Variants in SYT1 observed in about 807,000 individuals in gnomAD.
The protein encoded by SYT1 is synaptotagmin-1.
In SYT1, 8 loss-of-function variants were observed where a neutral mutation model predicts 44.8. That is an observed-to-expected ratio of 0.18 (90% CI 0.10 to 0.32). The LOEUF (loss-of-function observed/expected upper bound fraction) is 0.32, where lower values mean the gene tolerates loss of function less well. Among genes scored for constraint, SYT1 ranks in the 10% least tolerant of loss-of-function variants. The pLI is 1.00. For synonymous variants in SYT1, 154 were observed against 188.8 expected (o/e 0.82, Z 1.51); for missense variants, 286 against 509.3 (o/e 0.56, Z 4.22).
At chr12:79,417,941 C>T (rs2136148415) in intron 9 of SYT1, among the ~76,000 whole-genome samples, 1 of 152,208 alleles carries the variant, frequency 6.6e-6, no homozygotes, top group Admixed American at 6.5e-5. Flanking sequence ...TAATCAGTTC[C>T]CAGGCAATGC....
intron 3 of SYT1, among the ~76,000 whole-genome samples, chr12:79,122,250 C>A (rs1868281471): frequency 6.6e-6 from 1 of 151,982 alleles, no homozygotes; most frequent in African/African-American, 2.4e-5. Flanking sequence ...CGCGGTGGCT[C>A]ACGCCTGTAA....
chr12:78,928,524 C>T (rs1375314687), intron 1 of SYT1, among the ~76,000 whole-genome samples: 1 of 152,086 alleles, frequency 6.6e-6, no homozygotes, highest in Non-Finnish European at 1.5e-5. Flanking sequence ...AAAGGAAGCA[C>T]TTCCCAGCTT....
At chr12:79,005,620 A>G (rs1349486131) in intron 2 of SYT1, among the ~76,000 whole-genome samples, 1 of 152,114 alleles carries the variant, frequency 6.6e-6, no homozygotes, top group Admixed American at 6.6e-5. Context: ...ATTATTAGTG[A>G]TAGATACTAG....
chr12:79,247,506 A>G (rs890035730), intron 4 of SYT1, among the ~76,000 whole-genome samples: 1 of 152,206 alleles, frequency 6.6e-6, no homozygotes, highest in African/African-American at 2.4e-5. Flanking sequence ...CATGAGAGAA[A>G]CAATTTATGG....
chr12:79,409,405 G>A (rs188909782), intron 9 of SYT1, among the ~76,000 whole-genome samples: 1 of 152,106 alleles, frequency 6.6e-6, no homozygotes, highest in East Asian at 1.9e-4. Flanking sequence ...TATCAGTTTG[G>A]TATTATGGTA....
At chr12:79,192,762 A>G (rs1873208267) in intron 3 of SYT1, among the ~76,000 whole-genome samples, 1 of 152,150 alleles carries the variant, frequency 6.6e-6, no homozygotes, top group African/African-American at 2.4e-5. Flanking sequence ...CCCAACATTG[A>G]CCTCACAGTA....
chr12:79,430,986 GAATA>G (rs1488082480), intron 9 of SYT1, among the ~76,000 whole-genome samples: 2 of 152,198 alleles, frequency 1.3e-5, no homozygotes, highest in African/African-American at 4.8e-5. Context: ...GTGAGTGAGT[GAATA>G]AATGAATGAA....
chr12:79,441,982 G>A (rs1445183995), intron 9 of SYT1, among the ~76,000 whole-genome samples: 1 of 152,150 alleles, frequency 6.6e-6, no homozygotes, highest in East Asian at 1.9e-4. Context: ...TCATGTCAGA[G>A]CTCTTAGCAA....
chr12:79,367,052 T>C (rs1284368067), intron 9 of SYT1, among the ~76,000 whole-genome samples: 1 of 152,072 alleles, frequency 6.6e-6, no homozygotes, highest in East Asian at 1.9e-4. Flanking sequence ...TCCTGTAACT[T>C]GTGGCCACAA....
At chr12:79,215,714 A>G (rs1363256425) in intron 3 of SYT1, among the ~76,000 whole-genome samples, 5 of 152,048 alleles carry the variant, frequency 3.3e-5, no homozygotes, top group African/African-American at 1.2e-4. Flanking sequence ...AGAGAGAGAA[A>G]TAGTCAATTA....
chr12:79,314,675 T>A (rs1170756506), intron 8 of SYT1, among the ~76,000 whole-genome samples: 1 of 152,206 alleles, frequency 6.6e-6, no homozygotes, highest in Non-Finnish European at 1.5e-5. Flanking sequence ...CCTCAAAATG[T>A]TAAATAAAGT....
chr12:79,280,933 T>G (rs1879017091), intron 4 of SYT1, among the ~76,000 whole-genome samples: 1 of 149,454 alleles, frequency 6.7e-6, no homozygotes, highest in Non-Finnish European at 1.5e-5. Flanking sequence ...AAATAAAAAT[T>G]AAAACCAAAA....
At chr12:78,962,536 T>C (rs1484060828) in intron 1 of SYT1, among the ~76,000 whole-genome samples, 2 of 152,078 alleles carry the variant, frequency 1.3e-5, no homozygotes, top group African/African-American at 4.8e-5. Flanking sequence ...ATTGGACCAA[T>C]TGAATAAGTA....
chr12:79,045,559 G>A (rs1873980170), intron 2 of SYT1: 1 of 155,612 alleles, frequency 6.4e-6, no homozygotes, highest in African/African-American at 2.4e-5. Flanking sequence ...ACCTCAGATG[G>A]AAATGCAGAA....
At chr12:79,061,957 C>A (rs867360413) in intron 3 of SYT1, among the ~76,000 whole-genome samples, 1 of 151,914 alleles carries the variant, frequency 6.6e-6, no homozygotes. Flanking sequence ...ATAGAACAAG[C>A]GAAGGAGAAG....
At chr12:79,080,969 A>G (rs1876991375) in intron 3 of SYT1, among the ~76,000 whole-genome samples, 1 of 152,190 alleles carries the variant, frequency 6.6e-6, no homozygotes. Flanking sequence ...AGAGGATACT[A>G]TTGTGACTAG....
At chr12:79,297,041 G>A (rs773329178) in intron 7 of SYT1, among the ~76,000 whole-genome samples, 43 of 152,128 alleles carry the variant, frequency 2.8e-4, no homozygotes, top group Non-Finnish European at 5.3e-4. Context: ...AAATCACCAC[G>A]TCCATCAGCC....
chr12:79,307,665 C>G (rs112582585), intron 8 of SYT1, among the ~76,000 whole-genome samples: 1 of 151,660 alleles, frequency 6.6e-6, no homozygotes, highest in Non-Finnish European at 1.5e-5. Context: ...GGAGCCCGAA[C>G]GAAGCCTTTG....
At chr12:79,311,805 G>A (rs1478848004) in intron 8 of SYT1, among the ~76,000 whole-genome samples, 1 of 144,530 alleles carries the variant, frequency 6.9e-6, no homozygotes, top group Non-Finnish European at 1.5e-5. Context: ...ACTCATAGGT[G>A]GGAATTGAAC....
Sources: allele counts gnomAD v4.1 joint callset (sites outside exome capture counted in the v4.1 genomes callset), GRCh38; gene constraint gnomAD v4.1.1; transcripts MANE v1.5; gene names NCBI Gene and HGNC (gene_info 2026-07-23, HGNC 2026-07-21).